CPB2: variants seen among roughly 807,000 people sequenced by gnomAD.
CPB2 encodes the protein carboxypeptidase B-like protein.
Under a neutral mutation model 57.0 loss-of-function variants are expected in CPB2, and 54 were observed. That is an observed-to-expected ratio of 0.95 (90% CI 0.76 to 1.19). The LOEUF (loss-of-function observed/expected upper bound fraction) is 1.19, where lower values mean the gene tolerates loss of function less well. Ranked by LOEUF, CPB2 falls within the 50% of genes most tolerant of loss-of-function variation. CPB2 has a pLI of 0.00. For missense variants in CPB2, 426 were observed against 512.0 expected (o/e 0.83, Z 1.62); for synonymous variants, 189 against 178.1 (o/e 1.06, Z -0.49).
chr13:46,085,871 C>G (rs935286957), intron 2 of CPB2, among the ~76,000 whole-genome samples: 3 of 152,236 alleles, frequency 2.0e-5, no homozygotes, highest in Non-Finnish European at 4.4e-5. Flanking sequence ...TGAGCCCACT[C>G]GGCCTGGCAG....
chr13:46,100,888 A>G (rs941978950), intron 1 of CPB2: 3 of 152,202 alleles, frequency 2.0e-5, no homozygotes, highest in African/African-American at 7.2e-5. Context: ...GGCTTCCCCA[A>G]TAAAGATGTC....
chr13:46,093,725 G>T (rs2045327240), intron 1 of CPB2, among the ~76,000 whole-genome samples: 1 of 152,176 alleles, frequency 6.6e-6, no homozygotes, highest in Admixed American at 6.5e-5. Flanking sequence ...TGTTAGCTTT[G>T]ATTTGGAGGG....
chr13:46,102,329 T>A (rs566362325), intron 1 of CPB2, among the ~76,000 whole-genome samples: 1 of 152,172 alleles, frequency 6.6e-6, no homozygotes, highest in Non-Finnish European at 1.5e-5. Context: ...AGTATTTTAT[T>A]TTTACCCTTT....
At chr13:46,065,190 T>A (rs1408461981) in intron 7 of CPB2, among the ~76,000 whole-genome samples, 1 of 152,202 alleles carries the variant, frequency 6.6e-6, no homozygotes. Context: ...ACCACTCCCC[T>A]TTCAAAGCTA....
chr13:46,090,279 T>C (rs983469249), intron 1 of CPB2, among the ~76,000 whole-genome samples: 3 of 152,086 alleles, frequency 2.0e-5, no homozygotes, highest in African/African-American at 4.8e-5. Context: ...GATCAATAGA[T>C]TAATAATTTG....
chr13:46,086,853 G>C (rs2045215034), intron 2 of CPB2, among the ~76,000 whole-genome samples: 1 of 152,236 alleles, frequency 6.6e-6, no homozygotes, highest in Non-Finnish European at 1.5e-5. Context: ...GAGGCAGCAG[G>C]GGGCTAGCAT....
chr13:46,079,551 A>AAAAG lies in CPB2; in HGVS notation c.385-651_385-650insCTTT, dbSNP rs1555309760. Reference sequence around the variant, plus strand: ...AGGAAAAAGCAAAAAAAAAAAAAAAAAAAAGAAAAGAAAAGAAAAGAAAAA... The same window carrying AAAAG: ...AGGAAAAAGCAAAAAAAAAAAAAAAAAAAGAAAAGAAAAGAAAAGAAAAGAAAAA... On this transcript the variant is annotated intron_variant, in intron 4 of 10. Transcript: ENST00000181383. Among the ~76,000 whole-genome samples, 1,007 of 124,638 alleles carry AAAAG rather than the reference A, an allele frequency of 8.1e-3. 8 individuals carry two copies. Among genetic ancestry groups the AAAAG allele is most frequent in the African/African-American group, 0.025 (731 of 29,738 alleles). The allele number at this position is 124,638 out of a possible 152,430, so 81.8% of individuals were successfully genotyped here.
chr13:46,064,523 T>A (rs1282104862), intron 8 of CPB2, 125 bp downstream of exon 8: 5 of 745,706 alleles, frequency 6.7e-6, no homozygotes, highest in Non-Finnish European at 9.0e-6. Context: ...TAAGCATTTA[T>A]CATTTAAATT....
rs1231964986 is a variant in CPB2 at position 46,055,957 on chromosome 13, A to G, written c.1000-108T>C. On this transcript the variant is annotated intron_variant, in intron 9 of 10. Coordinates refer to ENST00000181383, the MANE Select transcript of CPB2 (RefSeq NM_001872.5). ...ATTAATTGAATCAAAGTATACAGGT[A>G]GAAAATCTAGATTCATCTAAAAGGC... 4.8e-5 allele frequency: 27 copies of G among 558,334 alleles called. No homozygotes were observed. The Admixed American group carries it at 9.0e-4, about 19-fold the overall frequency. 34.6% of individuals were successfully genotyped at this position (558,334 alleles called of 1,614,324 possible). A position where few individuals can be genotyped will look rare whatever the true frequency, so the allele number is the denominator to read the frequency against.
intron 2 of CPB2, among the ~76,000 whole-genome samples, chr13:46,085,132 G>A (rs1031160849): frequency 6.6e-6 from 1 of 152,138 alleles, no homozygotes; most frequent in Non-Finnish European, 1.5e-5. Context: ...TTACAGGCAC[G>A]AGCCACTACA....
intron 6 of CPB2, among the ~76,000 whole-genome samples, chr13:46,068,350 T>A (rs2044886651): frequency 6.6e-6 from 1 of 152,196 alleles, no homozygotes; most frequent in Admixed American, 6.5e-5. Flanking sequence ...ACGTTTAAAA[T>A]ATTATATTCA....
chr13:46,067,477 T>C, intron 6 of CPB2, 60 bp from the exon 7 acceptor site: 1 of 843,568 alleles, frequency 1.2e-6, no homozygotes, highest in Non-Finnish European at 1.9e-6. Flanking sequence ...ACTTAGTGTG[T>C]TTCTTTTTCT....
intron 6 of CPB2, among the ~76,000 whole-genome samples, chr13:46,069,111 G>A (rs2044899468): frequency 6.6e-6 from 1 of 151,846 alleles, no homozygotes; most frequent in African/African-American, 2.4e-5. Context: ...TTTACCTCTG[G>A]TTGGATGGGA....
chr13:46,058,208 G>A lies in CPB2; in HGVS notation c.970C>T (p.Arg324Ter), dbSNP rs183048225. The change falls in exon 9 of 11, where the codon CGA becomes TGA. Residue 324 changes from arginine to a stop codon, truncating the protein, a stop_gained. Coordinates refer to ENST00000181383, the MANE Select transcript of CPB2 (RefSeq NM_001872.5). LOFTEE classifies it high-confidence loss of function. ...QHIVFPYSYTRSKSKDHEELS... is the reference protein window; with the variant it reads ...QHIVFPYSYT ...TCCTCATGGTCTTTGCTTTTACTTC[G>A]TGTATAGGAATATGGAAACACTATA... 125 of 1,613,672 alleles carry A rather than the reference G, an allele frequency of 7.7e-5. 2 individuals carry two copies. The Admixed American group carries it at 1.4e-3, about 18-fold the overall frequency.
rs772111577 is a variant in CPB2 at position 46,053,708 on chromosome 13, C to G, written c.1178G>C (p.Gly393Ala). ...GATGTAACGCTCCGGCAGCAAGAAT[C>G]CGTATGTGCCCGTATCTCGAAGTTC... is the stretch of plus-strand genomic sequence containing the variant. The part of the protein sequence containing the change: ...TIELRDTGTY[G>A]FLLPERYIKP... The change falls in exon 11 of 11, where the codon GGA becomes GCA. Residue 393 changes from glycine (G) to alanine (A), a missense_variant. Coordinates refer to ENST00000181383, the MANE Select transcript of CPB2 (RefSeq NM_001872.5). 6.2e-7 allele frequency: 1 copy of G among 1,614,130 alleles called. No individual in the cohort carries two copies.
At chr13:46,101,546 C>T (rs531583473) in intron 1 of CPB2, among the ~76,000 whole-genome samples, 6 of 152,104 alleles carry the variant, frequency 3.9e-5, no homozygotes, top group East Asian at 3.9e-4. Context: ...AACCCCACTA[C>T]GCAAAATGTC....
intron 4 of CPB2, 69 bp from the exon 5 acceptor site, chr13:46,078,970 A>G: frequency 1.0e-6 from 1 of 962,390 alleles, no homozygotes; most frequent in Middle Eastern, 2.1e-4. Flanking sequence ...CAAAGCAAGC[A>G]GACAACTTCT....
intron 5 of CPB2, among the ~76,000 whole-genome samples, chr13:46,075,529 C>A (rs761952079): frequency 5.3e-5 from 8 of 152,186 alleles, no homozygotes; most frequent in Non-Finnish European, 8.8e-5. Flanking sequence ...TGGCTGAAAG[C>A]AAATGTCATG....
rs910566384 is a variant in CPB2, at chr13:46,086,584, G to A, written c.150+1161C>T. Among the ~76,000 whole-genome samples, 6 of 152,322 alleles carry A rather than the reference G, an allele frequency of 3.9e-5. No homozygotes were observed. In the South Asian group the frequency reaches 1.2e-3, roughly 32 times the overall value. ...GGAAGTGAGTGCTGATTGGTTCATG[G>A]GTGGCCATAGGCGGGTGCGGAAAAA... On this transcript the variant is annotated intron_variant, in intron 2 of 10. Coordinates refer to ENST00000181383, the MANE Select transcript of CPB2 (RefSeq NM_001872.5).
Sources: gnomAD v4.1 joint callset for allele counts (sites outside exome capture counted in the v4.1 genomes callset) on GRCh38, gnomAD v4.1.1 for gene constraint, MANE v1.5 for transcripts, NCBI Gene and HGNC (gene_info 2026-07-23, HGNC 2026-07-21) for gene names.